OCIAD1: variants seen among roughly 807,000 people sequenced by gnomAD.
The protein encoded by OCIAD1 is OCIA domain-containing protein 1.
Under a neutral mutation model 38.9 loss-of-function variants are expected in OCIAD1, and 29 were observed. The ratio of observed to expected loss-of-function variants is 0.74; its 90% CI spans 0.55 to 1.02. OCIAD1 has a LOEUF of 1.02. OCIAD1 is among the 50% of genes least tolerant of loss of function. The pLI is 0.00. For synonymous variants in OCIAD1, 110 were observed against 92.0 expected (o/e 1.20, Z -1.12); for missense variants, 288 against 289.6 (o/e 0.99, Z 0.04).
rs531118255 is a variant in OCIAD1 at position 48,825,395 on chromosome 4, C to A, written c.-102-5182C>A. ...CTAGGTATGCATCCAGGGTATCTAACACATGAATATCTTCAGCAGCCCCAT... is the reference window on the plus strand; with the variant it reads ...CTAGGTATGCATCCAGGGTATCTAAAACATGAATATCTTCAGCAGCCCCAT... On this transcript the variant is annotated intron_variant, in intron 1 of 6. Coordinates refer to the OCIAD1 transcript ENST00000504654. Among the ~76,000 whole-genome samples the A allele has an allele frequency of 4.6e-5, 7 of 152,356 alleles. No individual in the cohort carries two copies. In the East Asian group the frequency reaches 1.3e-3, roughly 29 times the overall value.
At chr4:48,821,222 C>T (rs1202841829) in intron 1 of OCIAD1, among the ~76,000 whole-genome samples, 1 of 152,152 alleles carries the variant, frequency 6.6e-6, no homozygotes, top group Non-Finnish European at 1.5e-5. Context: ...CGACTTTATG[C>T]CTGGGATGCA....
intron 3 of OCIAD1, 66 bp from the exon 4 acceptor site, chr4:48,842,570 T>A: frequency 1.0e-6 from 1 of 978,046 alleles, no homozygotes; most frequent in Non-Finnish European, 1.6e-6. Context: ...TATTCATTTA[T>A]CTAATGAACT....
chr4:48,824,181 G>T (rs764941522), intron 1 of OCIAD1, among the ~76,000 whole-genome samples: 3 of 151,728 alleles, frequency 2.0e-5, no homozygotes, highest in Non-Finnish European at 1.5e-5. Context: ...GGTTTTTGCC[G>T]TGTTGCCCAC....
intron 1 of OCIAD1, among the ~76,000 whole-genome samples, chr4:48,808,118 C>T (rs1319302128): frequency 6.6e-6 from 1 of 152,126 alleles, no homozygotes; most frequent in Non-Finnish European, 1.5e-5. Context: ...GGGTATTCTG[C>T]TATGTTTTGT....
chr4:48,831,492 G>C (rs1777489014), intron 1 of OCIAD1: 1 of 1,290,332 alleles, frequency 7.7e-7, no homozygotes. Flanking sequence ...AGTCTGTAAC[G>C]GCAGGTGGGA....
chr4:48,807,694 C>T (rs1207800032), intron 1 of OCIAD1, among the ~76,000 whole-genome samples: 4 of 152,130 alleles, frequency 2.6e-5, no homozygotes, highest in Non-Finnish European at 5.9e-5. Flanking sequence ...CAACTGAGAG[C>T]ACTTAAAAAT....
chr4:48,852,865 G>GTTTTTTTTTTTTTTTTTTTTTTTT (rs1391651931), intron 7 of OCIAD1, among the ~76,000 whole-genome samples: 2 of 94,902 alleles, frequency 2.1e-5, no homozygotes, highest in African/African-American at 9.8e-5. Flanking sequence ...TTTAAGCCAA[G>GTTTTTTTTTTTTTTTTTTTTTTTT]TTTTTTTTTG....
intron 3 of OCIAD1, among the ~76,000 whole-genome samples, chr4:48,836,097 GT>G (rs1282843145): frequency 1.3e-5 from 2 of 152,082 alleles, no homozygotes; most frequent in Non-Finnish European, 2.9e-5. Flanking sequence ...TTTAAGGAAG[GT>G]TAGTTAACAG....
At chr4:48,842,612 A>G (rs1288497779) in intron 3 of OCIAD1, 24 bp from the exon 4 acceptor site, 15 of 1,531,306 alleles carry the variant, frequency 9.8e-6, no homozygotes, top group Non-Finnish European at 1.3e-5. Flanking sequence ...TGTTGATGTT[A>G]ACAAGGTCTT....
chr4:48,851,012 A>C (rs1018340463), intron 6 of OCIAD1, among the ~76,000 whole-genome samples: 3 of 152,224 alleles, frequency 2.0e-5, no homozygotes, highest in African/African-American at 4.8e-5. Flanking sequence ...AATCTTATCA[A>C]TCCCATCTCT....
chr4:48,860,897 G>T lies in OCIAD1; in HGVS notation c.*135G>T. Reference sequence around the variant, plus strand: ...ACAAGATCCTGGGTTTTTGTGGTTTGACTTCTATGGTGTTTTAAAAAAACA... The same window carrying T: ...ACAAGATCCTGGGTTTTTGTGGTTTTACTTCTATGGTGTTTTAAAAAAACA... On this transcript the variant is annotated 3_prime_UTR_variant, in exon 9 of 9. Coordinates refer to ENST00000264312, the MANE Select transcript of OCIAD1 (RefSeq NM_017830.4). 1 of 702,658 alleles carries T rather than the reference G, an allele frequency of 1.4e-6. No individual in the cohort carries two copies. Among genetic ancestry groups the T allele is most frequent in the Non-Finnish European group, 2.5e-6 (1 of 394,964 alleles). The allele number at this position is 702,658 out of a possible 1,614,324, so 43.5% of individuals were successfully genotyped here.
intron 8 of OCIAD1, among the ~76,000 whole-genome samples, chr4:48,859,233 A>G (rs1322188605): frequency 6.6e-6 from 1 of 151,886 alleles, no homozygotes; most frequent in Non-Finnish European, 1.5e-5. Flanking sequence ...AAAAAAATCT[A>G]CCTTTGAAAT....
chr4:48,824,296 T>C (rs1777226941), intron 1 of OCIAD1, among the ~76,000 whole-genome samples: 1 of 152,092 alleles, frequency 6.6e-6, no homozygotes, highest in East Asian at 1.9e-4. Context: ...TTTTTAATAG[T>C]TTCCATTAAC....
rs1170499830 is a variant in OCIAD1, at chr4:48,831,264, G to A, written c.-6+15G>A. ...GTCGTCGGGAGGTGGGTGAGGTGACGCAAACAGCCCCGTTGTTGCCCTCCG... is the reference window on the plus strand; with the variant it reads ...GTCGTCGGGAGGTGGGTGAGGTGACACAAACAGCCCCGTTGTTGCCCTCCG... On this transcript the variant is annotated intron_variant, in intron 1 of 8. Transcript: ENST00000264312. 4 of 344,604 alleles carry A rather than the reference G, an allele frequency of 1.2e-5. No individual in the cohort carries two copies. The highest frequency in any genetic ancestry group is 2.1e-5 in the African/African-American group (1 of 46,612). 21.3% of individuals were successfully genotyped at this position (344,604 alleles called of 1,614,324 possible).
In OCIAD1 at chr4:48,849,994, A is replaced by ATTTCT; in HGVS notation, c.289_290insTTTCT (p.Thr97IlefsTer44). 1 of 1,613,034 alleles carries ATTTCT rather than the reference A, an allele frequency of 6.2e-7. No individual in the cohort carries two copies. Among genetic ancestry groups the ATTTCT allele is most frequent in the Non-Finnish European group, 8.5e-7 (1 of 1,179,642 alleles). On this transcript the variant is annotated frameshift_variant, in exon 6 of 9. Coordinates refer to ENST00000264312, the MANE Select transcript of OCIAD1 (RefSeq NM_017830.4). LOFTEE classifies it high-confidence loss of function. Reference sequence around the variant, plus strand: ...TGCTGGAAAACTTTCTTATGTGAAAACTTGCCAAGAGAAATTCAAGAAACT... The same window carrying ATTTCT: ...TGCTGGAAAACTTTCTTATGTGAAAATTTCTCTTGCCAAGAGAAATTCAAGAAACT...
At chr4:48,853,390 A>G (rs1779722897) in intron 7 of OCIAD1, among the ~76,000 whole-genome samples, 1 of 152,192 alleles carries the variant, frequency 6.6e-6, no homozygotes, top group African/African-American at 2.4e-5. Flanking sequence ...ATTAAGTAAT[A>G]TAAGGGGTAT....
intron 1 of OCIAD1, among the ~76,000 whole-genome samples, chr4:48,824,963 T>C (rs1777234047): frequency 6.6e-6 from 1 of 152,174 alleles, no homozygotes; most frequent in Non-Finnish European, 1.5e-5. Context: ...CTGGAACTCC[T>C]GGGCTCAAAT....
rs781621781 is a variant in OCIAD1, at chr4:48,860,756, T to C, written c.732T>C (p.Asp244=). ...TAAACAAGTATGGAGATACTTGGGA[T>C]GAGTGAAAAATTACATCATTGGACA... ...VKVNKYGDTW[D]E Residue 244 remains aspartate, a synonymous_variant, in exon 9 of 9, where the codon GAT becomes GAC. Coordinates refer to ENST00000264312, the MANE Select transcript of OCIAD1 (RefSeq NM_017830.4). 1.2e-5 allele frequency: 20 copies of C among 1,605,818 alleles called. No homozygotes were observed. In the South Asian group the frequency reaches 2.2e-4, roughly 18 times the overall value.
chr4:48,812,282 CAAAAAAAAAAAAAAAAAAAA>C (rs397881494), intron 1 of OCIAD1, among the ~76,000 whole-genome samples: 2 of 25,076 alleles, frequency 8.0e-5, no homozygotes, highest in Non-Finnish European at 1.2e-4. Context: ...GAGTTGGTCT[CAAAAAAAAAAAAAAAAAAAA>C]AAAAAAAAAA....
Sources: gnomAD v4.1 joint callset for allele counts (sites outside exome capture counted in the v4.1 genomes callset) on GRCh38, gnomAD v4.1.1 for gene constraint, MANE v1.5 for transcripts, NCBI Gene and HGNC (gene_info 2026-07-23, HGNC 2026-07-21) for gene names.